EEIG1: variants seen among roughly 807,000 people sequenced by gnomAD.
EEIG1 encodes early estrogen-induced gene 1 protein.
chr9:127,980,275 G>C, the EEIG1 span: 1 of 1,013,634 alleles, frequency 9.9e-7, no homozygotes, highest in Admixed American at 2.6e-5. Flanking sequence ...GGCGGAGATC[G>C]GAGTCCGGGG....
At chr9:127,950,495 G>T in the EEIG1 span, 1 of 1,614,056 alleles carries the variant, frequency 6.2e-7, no homozygotes, top group Non-Finnish European at 8.5e-7. Context: ...GCACCGTGGA[G>T]CCCGAGCCCG....
chr9:127,980,168 G>A, the EEIG1 span: 2 of 1,597,090 alleles, frequency 1.3e-6, no homozygotes, highest in South Asian at 1.1e-5. Context: ...AAGCCCCGAA[G>A]GCGAAAAAAG....
chr9:127,944,512 C>T, the EEIG1 span: 20 of 812,310 alleles, frequency 2.5e-5, no homozygotes, highest in South Asian at 1.2e-4. Flanking sequence ...CACACTGTGG[C>T]GACAAGATTT....
the EEIG1 span, among the ~76,000 whole-genome samples, chr9:127,978,937 A>C: frequency 1.3e-5 from 2 of 152,094 alleles, no homozygotes; most frequent in Non-Finnish European, 2.9e-5. Context: ...GAATTGATTG[A>C]ACCCGGGAGG....
chr9:127,969,255 T>C, the EEIG1 span, among the ~76,000 whole-genome samples: 1 of 152,234 alleles, frequency 6.6e-6, no homozygotes, highest in Non-Finnish European at 1.5e-5. Flanking sequence ...CAGTCTCTCC[T>C]GGCTCTGGGC....
chr9:127,945,013 G>T, the EEIG1 span: 2 of 1,260,724 alleles, frequency 1.6e-6, no homozygotes, highest in Non-Finnish European at 2.2e-6. This position sits in a 1 kb window ranked among gnomAD's most constrained non-coding sequence, Gnocchi z 6.5. Flanking sequence ...GTCCCTGTGC[G>T]CTCCGTGCTG....
the EEIG1 span, chr9:127,945,445 C>G: frequency 6.4e-7 from 1 of 1,563,308 alleles, no homozygotes. The surrounding 1 kb of genome is among the most constrained non-coding windows in gnomAD (Gnocchi z 6.5). Context: ...CCGCTCACTG[C>G]CCTCAGGGCC....
chr9:127,969,671 G>C, the EEIG1 span, among the ~76,000 whole-genome samples: 1 of 152,102 alleles, frequency 6.6e-6, no homozygotes, highest in East Asian at 1.9e-4. Flanking sequence ...GCTGGAGTTT[G>C]CAAGAGGCAG....
the EEIG1 span, among the ~76,000 whole-genome samples, chr9:127,966,166 A>G: frequency 6.6e-6 from 1 of 152,320 alleles, no homozygotes; most frequent in Admixed American, 6.5e-5. Context: ...GGGGCAGGGC[A>G]TGGGCACAGG....
At chr9:127,953,133 AG>A in the EEIG1 span, 1 of 168,080 alleles carries the variant, frequency 5.9e-6, no homozygotes, top group Non-Finnish European at 1.3e-5. Flanking sequence ...CTGTCTCCAG[AG>A]GAAAAAAAAA....
chr9:127,971,812 G>A, the EEIG1 span, among the ~76,000 whole-genome samples: 2 of 152,238 alleles, frequency 1.3e-5, no homozygotes, highest in African/African-American at 2.4e-5. Context: ...AAGAGGCCAG[G>A]GAGGCTTCCT....
chr9:127,956,368 T>G, the EEIG1 span, among the ~76,000 whole-genome samples: 1 of 152,196 alleles, frequency 6.6e-6, no homozygotes, highest in Non-Finnish European at 1.5e-5. Context: ...TGATCTTTTA[T>G]ACAGAAAACA....
At chr9:127,968,259 C>T in the EEIG1 span, among the ~76,000 whole-genome samples, 2 of 152,146 alleles carry the variant, frequency 1.3e-5, no homozygotes, top group East Asian at 3.9e-4. Flanking sequence ...GGAACGGATT[C>T]CCATCCCCAG....
chr9:127,953,826 G>A, the EEIG1 span: 1 of 1,614,030 alleles, frequency 6.2e-7, no homozygotes, highest in Non-Finnish European at 8.5e-7. Flanking sequence ...ACACACGGAA[G>A]ACACAGGGGT....
chr9:127,966,385 A>G, the EEIG1 span, among the ~76,000 whole-genome samples: 49 of 151,592 alleles, frequency 3.2e-4, 1 homozygote, highest in Middle Eastern at 6.8e-3. Context: ...GGACTGGAGG[A>G]CTGCTTGAGC....
At chr9:127,963,311 G>A in the EEIG1 span, among the ~76,000 whole-genome samples, 1 of 152,256 alleles carries the variant, frequency 6.6e-6, no homozygotes, top group Non-Finnish European at 1.5e-5. Context: ...ACCCCATGCA[G>A]TACATGGGAC....
At chr9:127,959,554 G>A in the EEIG1 span, among the ~76,000 whole-genome samples, 2 of 152,300 alleles carry the variant, frequency 1.3e-5, no homozygotes, top group South Asian at 2.1e-4. Context: ...ACATGTCAAG[G>A]GAAGGGCCTG....
chr9:127,941,430 C>T, the EEIG1 span: 1 of 152,654 alleles, frequency 6.6e-6, no homozygotes, highest in Non-Finnish European at 1.5e-5. Context: ...ACTGTGCGGT[C>T]AGCTTCCTTT....
At chr9:127,950,490 G>A in the EEIG1 span, 10 of 1,613,898 alleles carry the variant, frequency 6.2e-6, no homozygotes, top group East Asian at 2.2e-5. Context: ...GCAGCGCACC[G>A]TGGAGCCCGA....
Sources: allele counts gnomAD v4.1 joint callset (sites outside exome capture counted in the v4.1 genomes callset), GRCh38; gene constraint gnomAD v4.1.1; non-coding constraint Gnocchi (gnomAD v3.1); transcripts MANE v1.5; gene names NCBI Gene and HGNC (gene_info 2026-07-23, HGNC 2026-07-21).